The following WWOX variants were observed in gnomAD, a reference collection of about 807,000 sequenced individuals.
WWOX encodes the protein WW domain-containing oxidoreductase.
In WWOX, 69 loss-of-function variants were observed where a neutral mutation model predicts 46.2. The ratio of observed to expected loss-of-function variants is 1.49; its 90% CI spans 1.23 to 1.82. The LOEUF is 1.82. Among genes scored for constraint, WWOX ranks in the 40% most tolerant of loss-of-function variants. The pLI, the probability that WWOX is intolerant of heterozygous loss-of-function variation, is 0.00. For missense variants in WWOX, 919 were observed against 542.6 expected (o/e 1.69, Z -6.89); for synonymous variants, 359 against 202.6 (o/e 1.77, Z -6.56).
intron 8 of WWOX, among the ~76,000 whole-genome samples, chr16:79,177,377 C>T (rs1193829803): frequency 6.2e-5 from 2 of 32,406 alleles, no homozygotes; most frequent in Non-Finnish European, 1.1e-4. Context: ...TTTTTCCACT[C>T]TCCCTCCGTG....
intron 8 of WWOX, among the ~76,000 whole-genome samples, chr16:78,949,163 G>C (rs533366015): frequency 5.3e-4 from 80 of 152,304 alleles, no homozygotes; most frequent in Non-Finnish European, 8.4e-4. Flanking sequence ...TTTGGCAGCA[G>C]ATTCTTTCCT....
intron 8 of WWOX, among the ~76,000 whole-genome samples, chr16:78,984,461 A>G (rs368576310): frequency 7.8e-4 from 119 of 152,332 alleles, no homozygotes; most frequent in African/African-American, 2.8e-3. Context: ...GCAGCTGTAG[A>G]CAGTAAGTGA....
intron 5 of WWOX, among the ~76,000 whole-genome samples, chr16:78,315,899 C>G (rs796155850): frequency 6.6e-5 from 10 of 152,192 alleles, no homozygotes; most frequent in African/African-American, 2.4e-4. Context: ...TTTAACTACT[C>G]TCCTCGTGTT....
chr16:79,158,152 T>G (rs2050417918), intron 8 of WWOX, among the ~76,000 whole-genome samples: 1 of 152,124 alleles, frequency 6.6e-6, no homozygotes, highest in South Asian at 2.1e-4. Flanking sequence ...GACAGAGACC[T>G]CTGGAAGTTT....
chr16:78,453,592 G>C (rs1369100451), intron 8 of WWOX, among the ~76,000 whole-genome samples: 3 of 152,068 alleles, frequency 2.0e-5, no homozygotes, highest in Non-Finnish European at 2.9e-5. Context: ...AATCTGTCTA[G>C]GGTAGGGAGA....
chr16:78,567,248 C>G (rs1389460706), intron 8 of WWOX, among the ~76,000 whole-genome samples: 1 of 152,256 alleles, frequency 6.6e-6, no homozygotes, highest in South Asian at 2.1e-4. Flanking sequence ...CTTCCACTGC[C>G]AAGAAGTAAG....
At chr16:79,202,335 A>T (rs1405490767) in intron 8 of WWOX, among the ~76,000 whole-genome samples, 1 of 152,176 alleles carries the variant, frequency 6.6e-6, no homozygotes, top group Non-Finnish European at 1.5e-5. Flanking sequence ...GATGGGAATG[A>T]CGGGACCCTC....
intron 8 of WWOX, among the ~76,000 whole-genome samples, chr16:78,533,127 A>G (rs937469629): frequency 3.9e-5 from 6 of 152,092 alleles, no homozygotes; most frequent in Admixed American, 2.6e-4. Flanking sequence ...GTGCCTCTCA[A>G]TGGCTAAACC....
At chr16:79,082,655 A>G (rs2048782465) in intron 8 of WWOX, among the ~76,000 whole-genome samples, 2 of 152,248 alleles carry the variant, frequency 1.3e-5, no homozygotes, top group South Asian at 4.1e-4. Flanking sequence ...GCCATTTAAG[A>G]TCCACAGTCT....
chr16:78,113,606 G>T (rs1030258969), intron 3 of WWOX, among the ~76,000 whole-genome samples: 2 of 152,072 alleles, frequency 1.3e-5, no homozygotes, highest in Non-Finnish European at 2.9e-5. Context: ...GTGGGGTGCT[G>T]GTAAATGTTT....
At chr16:78,609,568 C>T (rs548537048) in intron 8 of WWOX, among the ~76,000 whole-genome samples, 6 of 150,596 alleles carry the variant, frequency 4.0e-5, no homozygotes, top group Admixed American at 4.0e-4. Flanking sequence ...TCCCAGACTC[C>T]TCATACCCCT....
intron 8 of WWOX, among the ~76,000 whole-genome samples, chr16:79,192,056 C>T (rs56679519): frequency 6.6e-6 from 1 of 152,196 alleles, no homozygotes; most frequent in South Asian, 2.1e-4. Context: ...CAATTTTCTT[C>T]TCCTCAAGAT....
chr16:78,801,720 C>A (rs771073578), intron 8 of WWOX, among the ~76,000 whole-genome samples: 1 of 152,114 alleles, frequency 6.6e-6, no homozygotes, highest in Non-Finnish European at 1.5e-5. Flanking sequence ...AGGTGCACCC[C>A]CATCCTGCCA....
At chr16:78,481,620 A>C (rs2084487796) in intron 8 of WWOX, among the ~76,000 whole-genome samples, 1 of 144,196 alleles carries the variant, frequency 6.9e-6, no homozygotes, top group African/African-American at 2.7e-5. Flanking sequence ...CACTGAGCCT[A>C]GTTGATGGAA....
chr16:79,138,111 C>T (rs1279681942), intron 8 of WWOX, among the ~76,000 whole-genome samples: 1 of 152,110 alleles, frequency 6.6e-6, no homozygotes, highest in Non-Finnish European at 1.5e-5. Flanking sequence ...CAGCAGGGGC[C>T]ACAGCCAGAA....
chr16:78,825,454 C>G (rs2051625925), intron 8 of WWOX: 1 of 390,940 alleles, frequency 2.6e-6, no homozygotes, highest in South Asian at 2.2e-5. Flanking sequence ...AAAAAATGTT[C>G]CTGGTGAGAA....
At chr16:78,626,754 G>C (rs1390972814) in intron 8 of WWOX, among the ~76,000 whole-genome samples, 3 of 152,076 alleles carry the variant, frequency 2.0e-5, no homozygotes, top group African/African-American at 7.2e-5. Context: ...AAACTACTTG[G>C]AATTCTGCAT....
intron 8 of WWOX, among the ~76,000 whole-genome samples, chr16:78,940,842 T>G (rs2045838096): frequency 6.6e-6 from 1 of 152,064 alleles, no homozygotes; most frequent in Non-Finnish European, 1.5e-5. Flanking sequence ...CCCGGTGTAA[T>G]GTACAGCTTC....
At chr16:78,699,076 C>T (rs1050520229) in intron 8 of WWOX, among the ~76,000 whole-genome samples, 2 of 152,206 alleles carry the variant, frequency 1.3e-5, no homozygotes, top group Admixed American at 6.5e-5. Context: ...TACAACTGTT[C>T]AGCTCTAACT....
Sources: allele counts gnomAD v4.1 joint callset (sites outside exome capture counted in the v4.1 genomes callset), GRCh38; gene constraint gnomAD v4.1.1; transcripts MANE v1.5; gene names NCBI Gene and HGNC (gene_info 2026-07-23, HGNC 2026-07-21).